PGAP4: variants seen among roughly 807,000 people sequenced by gnomAD.
PGAP4 encodes GPI-N-acetylgalactosamine transferase PGAP4.
Under a neutral mutation model 28.2 loss-of-function variants are expected in PGAP4, and 12 were observed. The ratio of observed to expected loss-of-function variants is 0.42; its 90% confidence interval spans 0.27 to 0.69. The LOEUF (loss-of-function observed/expected upper bound fraction) is 0.69. PGAP4 is among the 30% of genes least tolerant of loss of function. The pLI is 0.22. For missense variants in PGAP4, 425 were observed against 513.5 expected (o/e 0.83, Z 1.67); for synonymous variants, 205 against 211.8 (o/e 0.97, Z 0.28).
intron 1 of PGAP4, among the ~76,000 whole-genome samples, chr9:101,484,239 G>C (rs1254701333): frequency 6.6e-6 from 1 of 151,546 alleles, no homozygotes; most frequent in East Asian, 1.9e-4. Context: ...AAGGAAGGAA[G>C]GAAGAAAAAG....
intron 2 of PGAP4, among the ~76,000 whole-genome samples, chr9:101,511,071 A>C (rs2118610244): frequency 6.6e-6 from 1 of 152,294 alleles, no homozygotes; most frequent in South Asian, 2.1e-4. Flanking sequence ...ACCTTAGATC[A>C]TCAGGCATTA....
At chr9:101,518,076 T>C (rs1197649317) in intron 2 of PGAP4, among the ~76,000 whole-genome samples, 1 of 152,072 alleles carries the variant, frequency 6.6e-6, no homozygotes, top group East Asian at 1.9e-4. Context: ...ATTGTTTCCA[T>C]CTTTGTGTCC....
intron 1 of PGAP4, among the ~76,000 whole-genome samples, chr9:101,482,163 T>C (rs1344194554): frequency 6.6e-6 from 1 of 152,242 alleles, no homozygotes; most frequent in African/African-American, 2.4e-5. Flanking sequence ...TAAAAGATAC[T>C]TCAACCAGGC....
chr9:101,500,881 A>G (rs990929919), intron 2 of PGAP4, among the ~76,000 whole-genome samples: 2 of 152,058 alleles, frequency 1.3e-5, no homozygotes, highest in Admixed American at 6.6e-5. Flanking sequence ...TTAAGTGCTT[A>G]AAGTTTGGGA....
intron 2 of PGAP4, among the ~76,000 whole-genome samples, chr9:101,511,669 T>C (rs1451143656): frequency 6.6e-6 from 1 of 152,124 alleles, no homozygotes; most frequent in Non-Finnish European, 1.5e-5. Context: ...GAGGAAACCA[T>C]TATAAAATTG....
chr9:101,482,480 A>G, intron 1 of PGAP4, among the ~76,000 whole-genome samples: 1 of 152,210 alleles, frequency 6.6e-6, no homozygotes, highest in East Asian at 1.9e-4. Context: ...TTTGTCAGGC[A>G]TAGGACACTG....
At chr9:101,490,507 A>G (rs1238198764), upstream of PGAP4, among the ~76,000 whole-genome samples, 1 of 152,156 alleles carries the variant, frequency 6.6e-6, no homozygotes, top group Non-Finnish European at 1.5e-5. Flanking sequence ...TTGATCCTAC[A>G]AGATTTAGGT....
intron 2 of PGAP4, among the ~76,000 whole-genome samples, chr9:101,514,761 C>T (rs1464353581): frequency 6.6e-6 from 1 of 152,146 alleles, no homozygotes; most frequent in Admixed American, 6.6e-5. Context: ...TCATCCTACC[C>T]ACTCAACTAG....
Position 101,475,890 on chromosome 9 carries a change from A to T in PGAP4, c.1203T>A (p.Ser401Arg). ...FSSLRYNFHP[S>R]LL Reference sequence around the variant, plus strand: ...GGCATCTCTTGGCACCCTAGAGGAGACTGGGATGAAAGTTGTACCGGAGAC... The same window carrying T: ...GGCATCTCTTGGCACCCTAGAGGAGTCTGGGATGAAAGTTGTACCGGAGAC... The change falls in exon 2 of 2, where the codon AGT becomes AGA. Residue 401 changes from serine (S) to arginine (R), a missense_variant. Ser to Arg is a moderately radical substitution (Grantham distance 110). Coordinates refer to ENST00000374848, the MANE Select transcript of PGAP4 (RefSeq NM_032342.3). 1 of 1,613,886 alleles carries T rather than the reference A, an allele frequency of 6.2e-7. No individual in the cohort carries two copies. The highest frequency in any genetic ancestry group is 1.3e-5 in the African/African-American group (1 of 75,040).
chr9:101,530,539 T>A (rs1179865600), intron 2 of PGAP4, among the ~76,000 whole-genome samples: 2 of 152,238 alleles, frequency 1.3e-5, no homozygotes, highest in Non-Finnish European at 2.9e-5. Flanking sequence ...TGTTTTCCCA[T>A]TTATAAGTGA....
intron 1 of PGAP4, among the ~76,000 whole-genome samples, chr9:101,532,278 GAA>G (rs1220114966): frequency 2.1e-5 from 2 of 94,432 alleles, no homozygotes; most frequent in Non-Finnish European, 2.3e-5. Flanking sequence ...TCGAAAAAAA[GAA>G]AAAAAAAAAA....
intron 2 of PGAP4, among the ~76,000 whole-genome samples, chr9:101,498,402 A>C (rs762065796): frequency 1.1e-4 from 17 of 151,892 alleles, no homozygotes; most frequent in Non-Finnish European, 2.2e-4. Flanking sequence ...CTAATCAGGC[A>C]AACCTAAATT....
intron 2 of PGAP4, among the ~76,000 whole-genome samples, chr9:101,531,023 C>T (rs1278730259): frequency 6.6e-6 from 1 of 152,110 alleles, no homozygotes; most frequent in African/African-American, 2.4e-5. Flanking sequence ...AGACTAACCT[C>T]CCCTGAGCAA....
At chr9:101,501,497 A>G (rs1826798518) in intron 2 of PGAP4, 1 of 224,274 alleles carries the variant, frequency 4.5e-6, no homozygotes, top group Non-Finnish European at 9.1e-6. Flanking sequence ...TCAGTTATTT[A>G]TTAATCAGTG....
chr9:101,515,288 T>G (rs1826933992), intron 2 of PGAP4, among the ~76,000 whole-genome samples: 1 of 152,190 alleles, frequency 6.6e-6, no homozygotes, highest in Admixed American at 6.5e-5. Flanking sequence ...CCTCTGTTAT[T>G]ACATCACCTC....
rs1826610603 is a variant in PGAP4 at position 101,486,244 on chromosome 9, T to A, written c.-78+705A>T. ...GATGTCCAGGGCCCTGGATCTAGTG[T>A]CTGTCGCTGACCTTGGGCAGTCCCT... is the stretch of plus-strand genomic sequence containing the variant. On this transcript the variant is annotated intron_variant, in intron 1 of 1. Coordinates refer to ENST00000374848, the MANE Select transcript of PGAP4 (RefSeq NM_032342.3). The surrounding 1 kb of genome is among the most constrained non-coding windows in gnomAD (Gnocchi z 4.7). Among the ~76,000 whole-genome samples the A allele has an allele frequency of 6.6e-6, 1 of 152,174 alleles. No homozygotes were observed. The highest frequency in any genetic ancestry group is 1.5e-5 in the Non-Finnish European group (1 of 68,020).
At chr9:101,527,447 A>G (rs1445692278) in intron 2 of PGAP4, among the ~76,000 whole-genome samples, 1 of 152,180 alleles carries the variant, frequency 6.6e-6, no homozygotes, top group Non-Finnish European at 1.5e-5. Context: ...TTAAACTGAT[A>G]TACTATATCA....
chr9:101,515,888 T>C lies in PGAP4; in HGVS notation c.-165+15460A>G, dbSNP rs1007441808. On this transcript the variant is annotated intron_variant, in intron 2 of 3. Transcript: ENST00000374851. ...TTCTATTGCATAGTAGGGTGACTAG[T>C]TAATGATAGTGTATAACATATTTCA... 2.6e-5 allele frequency among the ~76,000 whole-genome samples: 4 copies of C among 152,054 alleles called. No homozygotes were observed. The South Asian group carries it at 8.3e-4, about 31-fold the overall frequency.
chr9:101,529,758 G>T (rs549914940), intron 2 of PGAP4, among the ~76,000 whole-genome samples: 7 of 152,330 alleles, frequency 4.6e-5, no homozygotes, highest in Admixed American at 4.6e-4. Flanking sequence ...GAAAGGTGAG[G>T]ACAAGAGGAG....
Sources: gnomAD v4.1 joint callset for allele counts (sites outside exome capture counted in the v4.1 genomes callset) on GRCh38, gnomAD v4.1.1 for gene constraint, Gnocchi (gnomAD v3.1) non-coding constraint, MANE v1.5 for transcripts, NCBI Gene and HGNC (gene_info 2026-07-23, HGNC 2026-07-21) for gene names.